CDCA4: variants seen among roughly 807,000 people sequenced by gnomAD.
The protein encoded by CDCA4 is cell division cycle associated 4.
For synonymous variants in CDCA4, 130 were observed against 137.0 expected (o/e 0.95, Z 0.36); for missense variants, 294 against 322.1 (o/e 0.91, Z 0.67).
At chr14:105,017,980 G>C (rs184841027) in intron 1 of CDCA4, among the ~76,000 whole-genome samples, 1 of 152,186 alleles carries the variant, frequency 6.6e-6, no homozygotes, top group East Asian at 1.9e-4. Flanking sequence ...CTGAATAAAA[G>C]CAGCAAGACA....
rs1264829002 is a variant in CDCA4, at chr14:105,009,805, T to A, written c.*1399A>T. 6.6e-6 allele frequency: 1 copy of A among 152,012 alleles called. No individual in the cohort carries two copies. Among genetic ancestry groups the A allele is most frequent in the Non-Finnish European group, 1.5e-5 (1 of 68,020 alleles). 9.4% of individuals were successfully genotyped at this position (152,012 alleles called of 1,614,324 possible). A position where few individuals can be genotyped will look rare whatever the true frequency, so the allele number is the denominator to read the frequency against. ...GGGGGGAAATAAAAGTAACCCAGCG[T>A]CCATTTAATGCAGCCAAGTGCAATT... On this transcript the variant is annotated 3_prime_UTR_variant, in exon 2 of 2. Coordinates refer to ENST00000336219, the MANE Select transcript of CDCA4 (RefSeq NM_017955.4).
chr14:105,011,825 CT>C lies in CDCA4; in HGVS notation c.104del (p.Gln35ArgfsTer9). On this transcript the variant is annotated frameshift_variant, in exon 2 of 2. Transcript: ENST00000336219. LOFTEE classifies it low-confidence loss of function (END_TRUNC). ...KTVSSYSLQR[Q>X]SLLDMSLVKL... Reference sequence around the variant, plus strand: ...TCACCAGAGACATGTCCAGGAGCGACTGCCGCTGCAGGCTGTATGAGGACAC... The same window carrying C: ...TCACCAGAGACATGTCCAGGAGCGACGCCGCTGCAGGCTGTATGAGGACAC... 1 of 1,613,906 alleles carries C rather than the reference CT, an allele frequency of 6.2e-7. No homozygotes were observed. The highest frequency in any genetic ancestry group is 1.1e-5 in the South Asian group (1 of 91,090).
intron 1 of CDCA4, among the ~76,000 whole-genome samples, chr14:105,016,526 A>G (rs924261391): frequency 6.6e-6 from 1 of 152,184 alleles, no homozygotes; most frequent in Non-Finnish European, 1.5e-5. Flanking sequence ...TTTCTCCCGC[A>G]CTATTTCTGC....
intron 1 of CDCA4, among the ~76,000 whole-genome samples, chr14:105,020,458 A>C (rs1228576375): frequency 6.6e-6 from 1 of 152,166 alleles, no homozygotes; most frequent in Non-Finnish European, 1.5e-5. Flanking sequence ...TGACTTCTGC[A>C]AGTGTCTCGG....
Position 105,011,327 on chromosome 14 carries a change from ACC to A in CDCA4, c.601_602del (p.Gly201CysfsTer20). 1 of 1,613,982 alleles carries A rather than the reference ACC, an allele frequency of 6.2e-7. No individual in the cohort carries two copies. Among genetic ancestry groups the A allele is most frequent in the Non-Finnish European group, 8.5e-7 (1 of 1,179,992 alleles). ...LDTVLTGMMG[G>X]ARPGPCEGLE... Reference sequence around the variant, plus strand: ...GCCCTTCGCAGGGGCCCGGCCTGGCACCCCCCATCATGCCTGTCAGTACTGTG... The same window carrying A: ...GCCCTTCGCAGGGGCCCGGCCTGGCACCCCATCATGCCTGTCAGTACTGTG... On this transcript the variant is annotated frameshift_variant, in exon 2 of 2. Transcript: ENST00000336219. LOFTEE classifies it low-confidence loss of function (END_TRUNC).
chr14:105,013,794 G>A (rs771532119), intron 1 of CDCA4, among the ~76,000 whole-genome samples: 2 of 152,158 alleles, frequency 1.3e-5, no homozygotes, highest in African/African-American at 4.8e-5. Context: ...TTTAACACAT[G>A]TAAATTTTAA....
rs558035236 is a variant in CDCA4, at chr14:105,011,654, G to A, written c.276C>T (p.Leu92=). 10 of 1,613,658 alleles carry A rather than the reference G, an allele frequency of 6.2e-6. No individual in the cohort carries two copies. Among genetic ancestry groups the A allele is most frequent in the South Asian group, 5.5e-5 (5 of 91,062 alleles). ...VAPQAAERAP[L]DRLVSTEILC... is the part of the protein sequence containing the mutation. ...GGATCTCCGTGGAGACCAAGCGGTC[G>A]AGCGGCGCCCGCTCTGCAGCCTGGG... Residue 92 remains leucine, a synonymous_variant, in exon 2 of 2, where the codon CTC becomes CTT. Coordinates refer to ENST00000336219, the MANE Select transcript of CDCA4 (RefSeq NM_017955.4).
intron 1 of CDCA4, among the ~76,000 whole-genome samples, chr14:105,019,841 A>G (rs976194240): frequency 1.3e-5 from 2 of 152,100 alleles, no homozygotes; most frequent in Non-Finnish European, 2.9e-5. Context: ...CCACATAGCT[A>G]GGATTATGAT....
intron 1 of CDCA4, among the ~76,000 whole-genome samples, chr14:105,020,010 C>T (rs1441113175): frequency 6.6e-6 from 1 of 152,202 alleles, no homozygotes; most frequent in Non-Finnish European, 1.5e-5. Flanking sequence ...CGCGCCCAGC[C>T]AATTGCAGGT....
chr14:105,011,715 T>G lies in CDCA4; in HGVS notation c.215A>C (p.Glu72Ala). Residue 72 changes from glutamate to alanine, a missense_variant, in exon 2 of 2, where the codon GAG becomes GCG. Coordinates refer to ENST00000336219, the MANE Select transcript of CDCA4 (RefSeq NM_017955.4). ...GCGCCACGTCCCATCCTGCGTCATC[T>G]CCTCTTGGATCTGCCGGACCGTGTT... Reference protein sequence around the residue: ...IANTVRQIQEEMTQDGTWRTV... With the variant: ...IANTVRQIQEAMTQDGTWRTV... The G allele has an allele frequency of 6.2e-7, 1 of 1,613,614 alleles. No homozygotes were observed. The highest frequency in any genetic ancestry group is 8.5e-7 in the Non-Finnish European group (1 of 1,179,988).
chr14:105,017,879 G>A (rs191814343), intron 1 of CDCA4, among the ~76,000 whole-genome samples: 161 of 151,814 alleles, frequency 1.1e-3, no homozygotes, highest in African/African-American at 3.4e-3. Flanking sequence ...CAAGTTGAAT[G>A]TATACGATCT....
Position 105,011,252 on chromosome 14 carries a change from G to A in CDCA4, c.678C>T (p.Ser226=), listed in dbSNP as rs534887423. The change falls in exon 2 of 2, where the codon TCC becomes TCT. Residue 226 remains serine, a synonymous_variant. Transcript: ENST00000336219. ...ATPGPSSSCK[S]DLGELDHVVE... ...CCACGTGGTCCAGCTCGCCCAGGTC[G>A]GACTTGCAGCTGGAGCTAGGGCCTG... The A allele has an allele frequency of 1.5e-5, 25 of 1,613,406 alleles. No homozygotes were observed. In the South Asian group the frequency reaches 1.9e-4, roughly 12 times the overall value.
chr14:105,015,699 G>C (rs1303927417), intron 1 of CDCA4, among the ~76,000 whole-genome samples: 2 of 152,110 alleles, frequency 1.3e-5, no homozygotes, highest in Non-Finnish European at 2.9e-5. Flanking sequence ...TGTTGTTGTT[G>C]TGTCGCCCAG....
At chr14:105,017,363 T>C (rs9324080) in intron 1 of CDCA4, among the ~76,000 whole-genome samples, 79,599 of 151,916 alleles carry the variant, frequency 0.52, 23,177 homozygotes, top group Non-Finnish European at 0.66. Context: ...GCTGGGATTA[T>C]AGGCGTGCAC....
chr14:105,013,650 G>C (rs1008667974), intron 1 of CDCA4, among the ~76,000 whole-genome samples: 1 of 152,034 alleles, frequency 6.6e-6, no homozygotes, highest in Non-Finnish European at 1.5e-5. Context: ...GGGAGAACTG[G>C]CTGCCAAACA....
Position 105,011,244 on chromosome 14 carries a change from C to T in CDCA4, c.686G>A (p.Gly229Asp). 6.2e-7 allele frequency: 1 copy of T among 1,613,136 alleles called. No individual in the cohort carries two copies. Among genetic ancestry groups the T allele is most frequent in the South Asian group, 1.1e-5 (1 of 90,972 alleles). ...GPSSSCKSDL[G>D]ELDHVVEILV... ...GATCTCCACCACGTGGTCCAGCTCG[C>T]CCAGGTCGGACTTGCAGCTGGAGCT... The change falls in exon 2 of 2, where the codon GGC (glycine) becomes GAC (aspartate). Residue 229 changes from glycine to aspartate, a missense_variant. By Grantham distance (94) the Gly-to-Asp change is moderately conservative. Transcript: ENST00000336219.
chr14:105,017,219 ATTC>A (rs1240728610), intron 1 of CDCA4, among the ~76,000 whole-genome samples: 1 of 150,310 alleles, frequency 6.7e-6, no homozygotes, highest in East Asian at 2.0e-4. Context: ...AGTTGTAAGC[ATTC>A]TTTTTTTTTT....
chr14:105,014,886 G>C (rs1900602387), intron 1 of CDCA4, among the ~76,000 whole-genome samples: 1 of 152,120 alleles, frequency 6.6e-6, no homozygotes, highest in Non-Finnish European at 1.5e-5. Context: ...AAATCCTCTT[G>C]AACAGCATGC....
Position 105,011,453 on chromosome 14 carries a change from G to C in CDCA4, c.477C>G (p.His159Gln), listed in dbSNP as rs141064003. 1.1e-5 allele frequency: 18 copies of C among 1,614,104 alleles called. No homozygotes were observed. Among genetic ancestry groups the C allele is most frequent in the Non-Finnish European group, 1.5e-5 (18 of 1,180,032 alleles). Residue 159 changes from histidine (H) to glutamine (Q), a missense_variant, in exon 2 of 2, where the codon CAC (histidine) becomes CAG (glutamine). By Grantham distance (24) the His-to-Gln change is conservative. Transcript: ENST00000336219. ...TTTCAAATATCTGATCAAGTGACTT[G>C]TGAAAGCTTCCTCTGTTTTCTCGAG... is the stretch of plus-strand genomic sequence containing the variant. ...DGPRENRGSF[H>Q]KSLDQIFETL...
Sources: gnomAD v4.1 joint callset for allele counts (sites outside exome capture counted in the v4.1 genomes callset) on GRCh38, gnomAD v4.1.1 for gene constraint, MANE v1.5 for transcripts, NCBI Gene and HGNC (gene_info 2026-07-23, HGNC 2026-07-21) for gene names.